PHIP: variants seen among roughly 807,000 people sequenced by gnomAD.
PHIP encodes PHIP subunit of CUL4-Ring ligase complex, also known as PH-interacting protein.
A neutral mutation model predicts 236.8 loss-of-function variants in PHIP; 54 were observed. The observed-to-expected ratio is 0.23, with a 90% CI of 0.18 to 0.29. PHIP has a LOEUF of 0.29. Among genes scored for constraint, PHIP ranks in the 10% least tolerant of loss-of-function variants. PHIP has a pLI of 1.00. For synonymous variants in PHIP, 756 were observed against 718.9 expected (o/e 1.05, Z -0.83); for missense variants, 1,370 against 2,190.8 (o/e 0.63, Z 7.48).
At chr6:79,015,573 G>A in intron 14 of PHIP, 57 bp downstream of exon 14, 2 of 1,281,894 alleles carry the variant, frequency 1.6e-6, no homozygotes, top group East Asian at 4.7e-5. Flanking sequence ...CAATGAGAAT[G>A]TTTCATTCTA....
intron 6 of PHIP, among the ~76,000 whole-genome samples, chr6:79,047,324 C>T (rs1289826147): frequency 6.6e-6 from 1 of 152,102 alleles, no homozygotes; most frequent in South Asian, 2.1e-4. Flanking sequence ...GTCAAATTCC[C>T]CCATAAGTCA....
chr6:78,980,000 A>T (rs1768404055), intron 23 of PHIP, among the ~76,000 whole-genome samples: 1 of 152,012 alleles, frequency 6.6e-6, no homozygotes, highest in African/African-American at 2.4e-5. Flanking sequence ...CTGGAGAGTT[A>T]GGGTAAAGGT....
At chr6:79,005,891 T>C (rs905332923) in intron 15 of PHIP, among the ~76,000 whole-genome samples, 5 of 151,922 alleles carry the variant, frequency 3.3e-5, no homozygotes, top group Non-Finnish European at 5.9e-5. Flanking sequence ...CATTTACAGT[T>C]AGTAGATCTC....
chr6:79,032,694 G>C (rs539817015), intron 7 of PHIP, among the ~76,000 whole-genome samples: 1 of 151,648 alleles, frequency 6.6e-6, no homozygotes, highest in South Asian at 2.1e-4. Flanking sequence ...ATCCACAGGG[G>C]ATGCAATCAA....
At position 79,078,104 on chromosome 6, in the gene PHIP, C is replaced by T. The variant is rs772004924; in HGVS notation, c.-36G>A. ...CACTTCAGGGCCGCCGACGGGACAC[C>T]CCGCCGCCGAGGGGAAGCGGGGACG... On this transcript the variant is annotated 5_prime_UTR_variant, in exon 1 of 40. Transcript: ENST00000275034. 1.1e-5 allele frequency: 17 copies of T among 1,604,238 alleles called. No individual in the cohort carries two copies. The African/African-American group carries it at 1.3e-4, about 13-fold the overall frequency.
chr6:78,961,620 T>TA, intron 31 of PHIP, 70 bp downstream of exon 31: 1 of 1,518,266 alleles, frequency 6.6e-7, no homozygotes, highest in Non-Finnish European at 9.1e-7. Flanking sequence ...GAAACACTGC[T>TA]AAAGATCAGT....
intron 24 of PHIP, among the ~76,000 whole-genome samples, chr6:78,972,653 C>T (rs1238371993): frequency 6.6e-6 from 1 of 152,042 alleles, no homozygotes; most frequent in African/African-American, 2.4e-5. Context: ...GAATGTGTAA[C>T]TAGAATAATC....
In PHIP at chr6:79,002,138, A is replaced by G; in HGVS notation, c.1654-14T>C. The G allele has an allele frequency of 6.5e-7, 1 of 1,545,944 alleles. No homozygotes were observed. The highest frequency in any genetic ancestry group is 1.4e-5 in the African/African-American group (1 of 73,118). On this transcript the variant is annotated splice_polypyrimidine_tract_variant and intron_variant, in intron 16 of 39. Transcript: ENST00000275034. ...CTGATCTGCTATCTGCAAAAAGAAA[A>G]GTCCATAAAAGACTGGAAAAATAAA...
In PHIP at chr6:78,949,116, G is replaced by A. The variant is rs142342075; in HGVS notation, c.4054-1341C>T. ...GTCACCAGTAAACATGATATTAGCT[G>A]TAGATGTACTTTTTATAGATGTACT... On this transcript the variant is annotated intron_variant, in intron 35 of 39. Coordinates refer to ENST00000275034, the MANE Select transcript of PHIP (RefSeq NM_017934.7). 5.9e-5 allele frequency among the ~76,000 whole-genome samples: 9 copies of A among 152,296 alleles called. No individual in the cohort carries two copies. In the East Asian group the frequency reaches 1.4e-3, roughly 23 times the overall value.
intron 34 of PHIP, 80 bp downstream of exon 34, chr6:78,955,152 T>C: frequency 1.9e-6 from 2 of 1,031,024 alleles, no homozygotes; most frequent in Non-Finnish European, 2.8e-6. Context: ...TTTAAAATGC[T>C]AAGAGTAAAA....
rs144282324 is a variant in PHIP, at chr6:79,000,989, T to C, written c.1879+910A>G. The stretch of plus-strand genomic sequence containing the variant: ...TTCATGCTAAATCCTTTAAGAAAAA[T>C]AAGATGCACGTTTGAGGTTGATTTT... On this transcript the variant is annotated intron_variant, in intron 17 of 39. Transcript: ENST00000275034. Among the ~76,000 whole-genome samples, 147 of 152,128 alleles carry C rather than the reference T, an allele frequency of 9.7e-4. 1 individual carries two copies. The highest frequency in any genetic ancestry group is 3.3e-3 in the African/African-American group (137 of 41,522).
rs975556922 is a variant in PHIP, at chr6:78,967,905, C to T, written c.3206-1849G>A. 1.4e-4 allele frequency among the ~76,000 whole-genome samples: 21 copies of T among 151,968 alleles called. 1 individual carries two copies. Among genetic ancestry groups the T allele is most frequent in the Admixed American group, 7.9e-4 (12 of 15,258 alleles). The stretch of plus-strand genomic sequence containing the variant: ...ATCCTAGCACTTTGGGAGGCTGAGG[C>T]GGGCGGATCACAAGGTCAGGAGATC... On this transcript the variant is annotated intron_variant, in intron 27 of 39. Coordinates refer to ENST00000275034, the MANE Select transcript of PHIP (RefSeq NM_017934.7).
intron 4 of PHIP, among the ~76,000 whole-genome samples, chr6:79,072,626 G>A (rs1028644570): frequency 6.6e-6 from 1 of 151,984 alleles, no homozygotes; most frequent in Admixed American, 6.6e-5. Flanking sequence ...TGGGACTACA[G>A]GCATGCGCCA....
chr6:78,969,810 G>T lies in PHIP; in HGVS notation c.3205+25C>A, dbSNP rs7742746. On this transcript the variant is annotated intron_variant, in intron 27 of 39. Transcript: ENST00000275034. Reference sequence around the variant, plus strand: ...AGAAAAAAAAACCACATCAAACATCGATAGCTTCTAAATAAATTACCCACC... The same window carrying T: ...AGAAAAAAAAACCACATCAAACATCTATAGCTTCTAAATAAATTACCCACC... The T allele has an allele frequency of 8.2e-4, 933 of 1,138,374 alleles. 12 individuals are homozygous for T. Among genetic ancestry groups the T allele is most frequent in the Admixed American group, 6.9e-3 (291 of 42,256 alleles). 70.5% of individuals were successfully genotyped at this position (1,138,374 alleles called of 1,614,324 possible). A position where few individuals can be genotyped will look rare whatever the true frequency, so the allele number is the denominator to read the frequency against.
chr6:79,037,340 A>C (rs946431569), intron 7 of PHIP, among the ~76,000 whole-genome samples: 3 of 152,112 alleles, frequency 2.0e-5, no homozygotes, highest in Admixed American at 2.0e-4. Context: ...ATTATCTTTT[A>C]CAGTAATCCC....
chr6:79,039,048 C>T (rs1772079536), intron 7 of PHIP, among the ~76,000 whole-genome samples: 1 of 152,148 alleles, frequency 6.6e-6, no homozygotes, highest in Admixed American at 6.5e-5. Context: ...TTTTATAGAT[C>T]ACTGCCAGAA....
intron 9 of PHIP, among the ~76,000 whole-genome samples, chr6:79,025,269 T>TA (rs1771338656): frequency 6.6e-6 from 1 of 150,680 alleles, no homozygotes; most frequent in South Asian, 2.1e-4. Context: ...ATAAAACAGG[T>TA]AAATGCTGAA....
At chr6:78,969,101 T>C (rs1767351000) in intron 27 of PHIP, among the ~76,000 whole-genome samples, 2 of 152,352 alleles carry the variant, frequency 1.3e-5, no homozygotes, top group Admixed American at 6.5e-5. Flanking sequence ...GAACATGAGA[T>C]GTAAATTTTC....
intron 25 of PHIP, 108 bp downstream of exon 25, chr6:78,970,673 T>C: frequency 4.4e-6 from 3 of 686,852 alleles, no homozygotes; most frequent in Non-Finnish European, 7.3e-6. Context: ...AAACAAGGTA[T>C]CTTCATGATG....
Sources: gnomAD v4.1 joint callset for allele counts (sites outside exome capture counted in the v4.1 genomes callset) on GRCh38, gnomAD v4.1.1 for gene constraint, MANE v1.5 for transcripts, NCBI Gene and HGNC (gene_info 2026-07-23, HGNC 2026-07-21) for gene names.